The following RHOU variants were observed in gnomAD, a reference collection of about 807,000 sequenced individuals.
The protein encoded by RHOU is ras homolog family member U.
Under a neutral mutation model 12.6 loss-of-function variants are expected in RHOU, and 8 were observed. The observed-to-expected ratio is 0.64, with a 90% CI of 0.37 to 1.15. RHOU has a LOEUF of 1.15. RHOU is among the 50% of genes most tolerant of loss of function. The pLI is 0.01. For missense variants in RHOU, 258 were observed against 347.0 expected (o/e 0.74, Z 2.04); for synonymous variants, 161 against 147.4 (o/e 1.09, Z -0.67).
chr1:228,687,863 C>T, the RHOU span: 1 of 1,008,876 alleles, frequency 9.9e-7, no homozygotes, highest in Non-Finnish European at 1.6e-6. Context: ...GTGGGAGTGA[C>T]TTCCCTGGTC....
chr1:228,739,895 A>G (rs958187469), intron 2 of RHOU, among the ~76,000 whole-genome samples: 23 of 152,246 alleles, frequency 1.5e-4, no homozygotes, highest in Non-Finnish European at 1.0e-4. Flanking sequence ...TGAACCAGAG[A>G]AGGACCAGGT....
At chr1:228,678,634 G>A in the RHOU span, among the ~76,000 whole-genome samples, 1 of 152,166 alleles carries the variant, frequency 6.6e-6, no homozygotes. Context: ...CAGCATGGTG[G>A]TGTAGGATAT....
In RHOU at chr1:228,743,605, C is replaced by G. The variant is rs539301790; in HGVS notation, c.642C>G (p.Val214=). Residue 214 remains valine, a synonymous_variant, in exon 3 of 3, where the codon GTC becomes GTG. Coordinates refer to ENST00000366691, the MANE Select transcript of RHOU (RefSeq NM_021205.6). The surrounding 1 kb of genome is among the most constrained non-coding windows in gnomAD (Gnocchi z 5.1). ...TGACTCAAAAAAACCTCAAAGAGGT[C>G]TTTGATGCAGCCATCGTCGCTGGCA... ...SALTQKNLKE[V]FDAAIVAGIQ... 2 of 1,614,232 alleles carry G rather than the reference C, an allele frequency of 1.2e-6. No individual in the cohort carries two copies. Among genetic ancestry groups the G allele is most frequent in the East Asian group, 4.5e-5 (2 of 44,892 alleles).
At chr1:228,703,703 A>C in the RHOU span, among the ~76,000 whole-genome samples, 1 of 152,324 alleles carries the variant, frequency 6.6e-6, no homozygotes, top group South Asian at 2.1e-4. Context: ...CTATACCTGG[A>C]CTTAGCATGG....
the RHOU span, among the ~76,000 whole-genome samples, chr1:228,690,484 C>T: frequency 6.6e-6 from 1 of 152,022 alleles, no homozygotes; most frequent in Non-Finnish European, 1.5e-5. Flanking sequence ...CACCACCACG[C>T]CTGGCTAATT....
chr1:228,674,823 C>G, the RHOU span, among the ~76,000 whole-genome samples: 1 of 152,160 alleles, frequency 6.6e-6, no homozygotes, highest in Non-Finnish European at 1.5e-5. Flanking sequence ...CTCCGCCTCT[C>G]GGGTTCACGC....
At chr1:228,669,179 C>T in the RHOU span, among the ~76,000 whole-genome samples, 2 of 152,226 alleles carry the variant, frequency 1.3e-5, no homozygotes, top group African/African-American at 4.8e-5. Flanking sequence ...ACAAGGAACA[C>T]CACAAGAACC....
At chr1:228,676,540 T>A in the RHOU span, among the ~76,000 whole-genome samples, 25 of 152,198 alleles carry the variant, frequency 1.6e-4, no homozygotes, top group Admixed American at 6.5e-5. Context: ...TCTTTTGGAC[T>A]CTATCTCTCT....
chr1:228,709,330 C>T, the RHOU span, among the ~76,000 whole-genome samples: 15 of 144,854 alleles, frequency 1.0e-4, no homozygotes, highest in Admixed American at 1.0e-3. Flanking sequence ...CTACAGAACT[C>T]TCCACCCCAA....
the RHOU span, among the ~76,000 whole-genome samples, chr1:228,681,510 G>A: frequency 6.6e-6 from 1 of 152,126 alleles, no homozygotes; most frequent in Non-Finnish European, 1.5e-5. Context: ...GATTTGGGAT[G>A]AGTCGCATTG....
At chr1:228,736,691 A>G (rs1270481208) in intron 1 of RHOU, among the ~76,000 whole-genome samples, 2 of 152,188 alleles carry the variant, frequency 1.3e-5, no homozygotes, top group African/African-American at 2.4e-5. Flanking sequence ...TAAAGCTCCT[A>G]TGTACCGGGT....
the RHOU span, among the ~76,000 whole-genome samples, chr1:228,660,709 G>A: frequency 1.3e-5 from 2 of 151,746 alleles, no homozygotes; most frequent in African/African-American, 4.8e-5. Flanking sequence ...CGAGGTGGGT[G>A]GATTACCTGA....
At chr1:228,647,924 C>T in the RHOU span, 27,039 of 152,214 alleles carry the variant, frequency 0.18, 2,675 homozygotes, top group East Asian at 0.35. Context: ...CCTGCGTCTC[C>T]TGGTTTTCTC....
chr1:228,678,950 T>A, the RHOU span, among the ~76,000 whole-genome samples: 1 of 152,116 alleles, frequency 6.6e-6, no homozygotes, highest in African/African-American at 2.4e-5. Context: ...CTACAGGGCG[T>A]GGTCCTGGCT....
chr1:228,668,234 T>A, the RHOU span, among the ~76,000 whole-genome samples: 1 of 152,264 alleles, frequency 6.6e-6, no homozygotes, highest in Admixed American at 6.5e-5. Context: ...TGGACCTTGC[T>A]GTATATACCT....
At chr1:228,664,723 T>C in the RHOU span, among the ~76,000 whole-genome samples, 5 of 152,104 alleles carry the variant, frequency 3.3e-5, no homozygotes, top group African/African-American at 1.2e-4. Context: ...AACCTCCGTC[T>C]CCCAGGTTCA....
At chr1:228,733,877 C>A (rs1662542841), upstream of RHOU, among the ~76,000 whole-genome samples, 4 of 152,344 alleles carry the variant, frequency 2.6e-5, no homozygotes, top group South Asian at 8.3e-4. Flanking sequence ...AGAGGCAAGT[C>A]AGGTACCTGA....
upstream of RHOU, chr1:228,734,985 G>A (rs116037497): frequency 5.3e-4 from 80 of 152,292 alleles, no homozygotes; most frequent in African/African-American, 1.9e-3. Flanking sequence ...TTAGACTTAA[G>A]GAAAAAAGCT....
the RHOU span, among the ~76,000 whole-genome samples, chr1:228,695,382 A>T: frequency 1.3e-5 from 2 of 152,184 alleles, no homozygotes; most frequent in South Asian, 2.1e-4. Flanking sequence ...ACCAGCAAAC[A>T]ATCAATTCTG....
Sources: allele counts gnomAD v4.1 joint callset (sites outside exome capture counted in the v4.1 genomes callset), GRCh38; gene constraint gnomAD v4.1.1; non-coding constraint Gnocchi (gnomAD v3.1); transcripts MANE v1.5; gene names NCBI Gene and HGNC (gene_info 2026-07-23, HGNC 2026-07-21).